GRID2: variants seen among roughly 807,000 people sequenced by gnomAD.
GRID2 encodes glutamate receptor ionotropic, delta-2.
A neutral mutation model predicts 114.8 loss-of-function variants in GRID2; 33 were observed. The observed-to-expected ratio is 0.29, with a 90% CI of 0.22 to 0.38. The LOEUF (loss-of-function observed/expected upper bound fraction) is 0.38. Ranked by LOEUF, GRID2 falls within the 10% of genes least tolerant of loss-of-function variation. GRID2 has a pLI of 1.00. For synonymous variants in GRID2, 505 were observed against 449.9 expected (o/e 1.12, Z -1.55); for missense variants, 1,184 against 1,257.7 (o/e 0.94, Z 0.89).
chr4:92,763,070 C>T (rs767034945), intron 2 of GRID2, among the ~76,000 whole-genome samples: 3 of 152,184 alleles, frequency 2.0e-5, no homozygotes, highest in Non-Finnish European at 4.4e-5. Context: ...GGAGTATACA[C>T]ACTGCCAAGA....
chr4:92,373,984 A>T (rs1211271654), intron 1 of GRID2, among the ~76,000 whole-genome samples: 1 of 152,034 alleles, frequency 6.6e-6, no homozygotes, highest in African/African-American at 2.4e-5. Context: ...AATGGGTTTG[A>T]TACATATGTG....
intron 13 of GRID2, among the ~76,000 whole-genome samples, chr4:93,533,537 C>CTTTTTTTTTTTTTTTT (rs34014956): frequency 1.2e-5 from 1 of 86,512 alleles, no homozygotes; most frequent in Non-Finnish European, 2.2e-5. Flanking sequence ...CCACACCCAG[C>CTTTTTTTTTTTTTTTT]TTTTTTTTTT....
At chr4:92,715,574 C>T (rs1304732048) in intron 2 of GRID2, among the ~76,000 whole-genome samples, 2 of 152,114 alleles carry the variant, frequency 1.3e-5, no homozygotes, top group Non-Finnish European at 2.9e-5. Context: ...ACTTACAGTT[C>T]CACATGGCTG....
At chr4:93,656,933 T>C (rs981492165) in intron 14 of GRID2, among the ~76,000 whole-genome samples, 1 of 150,914 alleles carries the variant, frequency 6.6e-6, no homozygotes, top group Non-Finnish European at 1.5e-5. Flanking sequence ...TTTAACAGTA[T>C]CCACAATTTC....
chr4:92,947,157 T>C (rs1180496363), intron 2 of GRID2, among the ~76,000 whole-genome samples: 1 of 152,014 alleles, frequency 6.6e-6, no homozygotes, highest in African/African-American at 2.4e-5. Context: ...TATCTCACAG[T>C]CTTGGGTAAA....
chr4:92,380,258 A>G (rs1394354447), intron 1 of GRID2, among the ~76,000 whole-genome samples: 1 of 151,820 alleles, frequency 6.6e-6, no homozygotes, highest in Non-Finnish European at 1.5e-5. Context: ...TTTTAGGAGA[A>G]AGAGTACATC....
At chr4:93,533,537 C>CTTTTTTTTTT (rs34014956) in intron 13 of GRID2, among the ~76,000 whole-genome samples, 22 of 86,498 alleles carry the variant, frequency 2.5e-4, no homozygotes, top group South Asian at 4.7e-4. Context: ...CCACACCCAG[C>CTTTTTTTTTT]TTTTTTTTTT....
intron 3 of GRID2, among the ~76,000 whole-genome samples, chr4:93,085,651 T>C (rs1042861004): frequency 1.3e-5 from 2 of 152,176 alleles, no homozygotes; most frequent in Non-Finnish European, 2.9e-5. Context: ...GAAGATCATA[T>C]TGGATAACCC....
intron 1 of GRID2, among the ~76,000 whole-genome samples, chr4:92,493,986 A>C (rs1194620507): frequency 6.6e-6 from 1 of 152,186 alleles, no homozygotes; most frequent in East Asian, 1.9e-4. Flanking sequence ...AAAGACAATT[A>C]GTATTAGCTC....
intron 2 of GRID2, among the ~76,000 whole-genome samples, chr4:92,667,626 A>G (rs1732853207): frequency 1.3e-5 from 2 of 151,616 alleles, no homozygotes; most frequent in African/African-American, 2.4e-5. Context: ...TGCCTAGACT[A>G]TATATATTCA....
At chr4:93,133,732 C>T (rs1480160843) in intron 4 of GRID2, among the ~76,000 whole-genome samples, 2 of 152,000 alleles carry the variant, frequency 1.3e-5, no homozygotes, top group African/African-American at 4.8e-5. Context: ...CCCCTAATTA[C>T]CAACAGAAAG....
At chr4:93,631,647 G>A (rs868115862) in intron 14 of GRID2, among the ~76,000 whole-genome samples, 2 of 152,126 alleles carry the variant, frequency 1.3e-5, no homozygotes, top group African/African-American at 2.4e-5. Flanking sequence ...CCAAGTCTTT[G>A]CTATTGTGAA....
chr4:93,500,679 T>A (rs1367176826), intron 12 of GRID2, among the ~76,000 whole-genome samples: 2 of 151,982 alleles, frequency 1.3e-5, no homozygotes, highest in Non-Finnish European at 2.9e-5. Context: ...TTATCTGAAT[T>A]TAGGCATAAA....
At chr4:92,690,397 T>A (rs1734127968) in intron 2 of GRID2, among the ~76,000 whole-genome samples, 1 of 152,106 alleles carries the variant, frequency 6.6e-6, no homozygotes, top group East Asian at 1.9e-4. Flanking sequence ...AAGTTTGCTG[T>A]CTTATATGAG....
intron 1 of GRID2, among the ~76,000 whole-genome samples, chr4:92,349,734 A>G (rs879785877): frequency 1.7e-4 from 26 of 151,842 alleles, no homozygotes; most frequent in Non-Finnish European, 3.1e-4. Flanking sequence ...CTATAAAAAT[A>G]CAATTGAGGA....
intron 12 of GRID2, among the ~76,000 whole-genome samples, chr4:93,512,524 A>G (rs1729295703): frequency 6.6e-6 from 1 of 152,098 alleles, no homozygotes; most frequent in Non-Finnish European, 1.5e-5. Flanking sequence ...GTGCTATCTT[A>G]GTGTGCTATG....
chr4:92,341,448 T>C (rs1425719398), intron 1 of GRID2, among the ~76,000 whole-genome samples: 1 of 151,990 alleles, frequency 6.6e-6, no homozygotes, highest in Non-Finnish European at 1.5e-5. Flanking sequence ...CACTGAAAAA[T>C]GATGCCACTA....
chr4:93,598,535 G>A (rs893804279), intron 13 of GRID2, among the ~76,000 whole-genome samples: 23 of 152,090 alleles, frequency 1.5e-4, no homozygotes, highest in African/African-American at 5.6e-4. Context: ...TTAGGTTGTT[G>A]CTCTCGTTTC....
intron 2 of GRID2, among the ~76,000 whole-genome samples, chr4:92,931,821 C>CGTGCA (rs1429057942): frequency 6.6e-6 from 1 of 151,058 alleles, no homozygotes; most frequent in Non-Finnish European, 1.5e-5. Context: ...TATCCACACA[C>CGTGCA]GTGCAGTCAA....
Sources: allele counts gnomAD v4.1 joint callset (sites outside exome capture counted in the v4.1 genomes callset), GRCh38; gene constraint gnomAD v4.1.1; transcripts MANE v1.5; gene names NCBI Gene and HGNC (gene_info 2026-07-23, HGNC 2026-07-21).